NBPF14: variants seen among roughly 807,000 people sequenced by gnomAD.
The protein encoded by NBPF14 is NBPF member 14, also known as NBPF family member NBPF14.
A neutral mutation model predicts 91.2 loss-of-function variants in NBPF14; 104 were observed. The ratio of observed to expected loss-of-function variants is 1.14; its 90% CI spans 0.97 to 1.34. The LOEUF is 1.34. Ranked by LOEUF, NBPF14 falls within the 40% of genes most tolerant of loss-of-function variation. The pLI is 0.00. For missense variants in NBPF14, 908 were observed against 783.0 expected (o/e 1.16, Z -1.91); for synonymous variants, 294 against 303.8 (o/e 0.97, Z 0.34).
intron 39 of NBPF14, among the ~76,000 whole-genome samples, chr1:148,558,009 C>G (rs1186502776): frequency 3.6e-5 from 1 of 27,424 alleles, no homozygotes; most frequent in Non-Finnish European, 6.2e-5. Flanking sequence ...GTCCAATGTG[C>G]TGAGAGCGGG....
chr1:148,595,159 C>T (rs1402112758), intron 2 of NBPF14, among the ~76,000 whole-genome samples: 1 of 146,150 alleles, frequency 6.8e-6, no homozygotes, highest in African/African-American at 2.5e-5. Context: ...GAAACTTGAA[C>T]TGAATAAAAG....
At position 148,559,814 on chromosome 1, in the gene NBPF14, C is replaced by T. The variant is rs1376221284; in HGVS notation, c.4708G>A (p.Gly1570Ser). The change falls in exon 37 of 71, where the codon GGC becomes AGC. Residue 1570 changes from glycine to serine, a missense_variant. Around this residue, in one of 13 missense-constraint regions of NBPF14, gnomAD observed 447 missense variants for 189.1 expected, o/e 2.36. Transcript: ENST00000619423. ...TCACCATCCATGTCAACAGCCAAGC[C>T]AACACGCTGCTGCTCCAATATGTAA... The T allele has an allele frequency of 5.9e-6, 9 of 1,532,154 alleles. 3 individuals are homozygous for T. In the South Asian group the frequency reaches 9.7e-5, roughly 17 times the overall value. 94.9% of individuals were successfully genotyped at this position (1,532,154 alleles called of 1,614,324 possible).
At chr1:148,534,468 T>C (rs1388037011) in intron 69 of NBPF14, among the ~76,000 whole-genome samples, 7 of 151,666 alleles carry the variant, frequency 4.6e-5, no homozygotes, top group African/African-American at 7.3e-5. Flanking sequence ...GCGCCACAGG[T>C]ATGGCCTGAG....
chr1:148,592,626 T>C, exon 4 of NBPF14: 2 of 1,583,146 alleles, frequency 1.3e-6, no homozygotes, highest in East Asian at 4.5e-5. Flanking sequence ...GTCCTGCCCC[T>C]GGGACTTGTC....
intron 5 of NBPF14, 57 bp from the exon 6 acceptor site, chr1:148,591,025 C>T (rs1662371836): frequency 9.8e-7 from 1 of 1,023,836 alleles, no homozygotes; most frequent in Admixed American, 1.9e-5. Flanking sequence ...GGATTGGACC[C>T]CAGGGAGTCC....
chr1:148,585,369 T>C lies in NBPF14; in HGVS notation c.1307-156A>G, dbSNP rs1483327302. On this transcript the variant is annotated intron_variant, in intron 9 of 70. Transcript: ENST00000619423. ...TCTTTAACAGAATGCCCTGCCATGG[T>C]TTCCTGATCCATCAGGCAATGCATT... Among the ~76,000 whole-genome samples the C allele has an allele frequency of 3.6e-3, 543 of 152,040 alleles. 4 individuals are homozygous for C. The highest frequency in any genetic ancestry group is 4.0e-3 in the Non-Finnish European group (272 of 67,976).
intron 14 of NBPF14, among the ~76,000 whole-genome samples, 166 bp from the exon 15 acceptor site, chr1:148,577,521 G>A (rs1170170900): frequency 1.3e-5 from 2 of 148,500 alleles, no homozygotes; most frequent in Non-Finnish European, 3.0e-5. Flanking sequence ...CTATGGCCAG[G>A]TAGAAAAGGA....
chr1:148,566,147 C>A, exon 29 of NBPF14: 1 of 506,170 alleles, frequency 2.0e-6, no homozygotes, highest in Non-Finnish European at 3.4e-6. Flanking sequence ...ACTCACCTCC[C>A]ACGTCAAGAG....
rs1656899042 is a variant in NBPF14 at position 148,557,649 on chromosome 1, AACAGG to A, written c.4955-112_4955-108del. The A allele has an allele frequency of 2.8e-5, 17 of 606,810 alleles. 2 individuals carry two copies. The highest frequency in any genetic ancestry group is 4.3e-5 in the Non-Finnish European group (15 of 348,448). 37.6% of individuals were successfully genotyped at this position (606,810 alleles called of 1,614,324 possible). The stretch of plus-strand genomic sequence containing the variant: ...GGGATCTCAGGCTCCTCAGCATGAG[AACAGG>A]ACCATGTGAGAGATATACTTCAGGA... On this transcript the variant is annotated intron_variant, in intron 39 of 70. Coordinates refer to ENST00000619423, the Ensembl canonical transcript of NBPF14.
intron 9 of NBPF14, among the ~76,000 whole-genome samples, chr1:148,585,626 A>G (rs1661391488): frequency 6.7e-6 from 1 of 149,206 alleles, no homozygotes; most frequent in Non-Finnish European, 1.5e-5. Context: ...TATGCATCAG[A>G]AGATTTCAAG....
At chr1:148,566,518 CA>C (rs1658371897) in intron 28 of NBPF14, among the ~76,000 whole-genome samples, 2 of 122,960 alleles carry the variant, frequency 1.6e-5, no homozygotes, top group African/African-American at 5.5e-5. Context: ...GACACACACA[CA>C]CACACACACA....
chr1:148,533,593 GT>G (rs1654188046), intron 70 of NBPF14, among the ~76,000 whole-genome samples: 1 of 146,114 alleles, frequency 6.8e-6, no homozygotes, highest in African/African-American at 2.7e-5. Flanking sequence ...GAGCTCAATA[GT>G]TTTCCATAAA....
chr1:148,588,352 ATTATTT>A (rs1363175833), intron 7 of NBPF14, among the ~76,000 whole-genome samples: 7 of 138,190 alleles, frequency 5.1e-5, no homozygotes, highest in African/African-American at 1.8e-4. Context: ...TATTATTATT[ATTATTT>A]TTAACAGTCT....
intron 6 of NBPF14, among the ~76,000 whole-genome samples, chr1:148,590,040 C>CAT (rs1553337686): frequency 1.2e-4 from 9 of 76,332 alleles, no homozygotes; most frequent in African/African-American, 4.7e-4. Flanking sequence ...CAGAGACTTA[C>CAT]TTTTTTTTTT....
exon 4 of NBPF14, chr1:148,592,613 G>A: frequency 1.3e-6 from 2 of 1,571,602 alleles, no homozygotes; most frequent in Admixed American, 3.4e-5. Context: ...GCTGTTCTTG[G>A]AGGTCCTGCC....
At chr1:148,557,673 T>C (rs2149496619) in intron 39 of NBPF14, 131 bp from the exon 40 acceptor site, 3 of 615,136 alleles carry the variant, frequency 4.9e-6, no homozygotes, top group East Asian at 3.4e-5. Flanking sequence ...AGAGATATAC[T>C]TCAGGAGGCC....
In NBPF14 at chr1:148,557,699, A is replaced by G. The variant is rs1346179486; in HGVS notation, c.4955-157T>C. ...TCAGGAGGCCTGAAAGCTGGTCATG[A>G]TATTCCTTGCTTTGCATCTCAGAAC... is the stretch of plus-strand genomic sequence containing the variant. On this transcript the variant is annotated intron_variant, in intron 39 of 70. Coordinates refer to ENST00000619423, the Ensembl canonical transcript of NBPF14. Among the ~76,000 whole-genome samples, 4 of 130,264 alleles carry G rather than the reference A, an allele frequency of 3.1e-5. 1 individual carries two copies. The highest frequency in any genetic ancestry group is 7.6e-5 in the Admixed American group (1 of 13,192). The allele number at this position is 130,264 out of a possible 152,430, so 85.5% of individuals were successfully genotyped here.
chr1:148,592,606 G>A lies in NBPF14; in HGVS notation c.439C>T (p.Gln147Ter). 3 of 1,558,746 alleles carry A rather than the reference G, an allele frequency of 1.9e-6. 1 individual carries two copies. The highest frequency in any genetic ancestry group is 2.6e-6 in the Non-Finnish European group (3 of 1,136,520). ...GCCAGTCTACACCCCTCAGCCAGCT[G>A]TTCTTGGAGGTCCTGCCCCTGGGAC... The change falls in exon 4 of 71, where the codon CAG (glutamine) becomes TAG (stop). Residue 147 changes from glutamine (Q) to a stop codon, truncating the protein, a stop_gained. Transcript: ENST00000619423. LOFTEE classifies it high-confidence loss of function.
rs1452352921 is a variant in NBPF14 at position 148,557,689 on chromosome 1, G to C, written c.4955-147C>G. ...GAGATATACTTCAGGAGGCCTGAAA[G>C]CTGGTCATGATATTCCTTGCTTTGC... On this transcript the variant is annotated intron_variant, in intron 39 of 70. Coordinates refer to ENST00000619423, the Ensembl canonical transcript of NBPF14. 1.3e-5 allele frequency: 8 copies of C among 624,020 alleles called. 1 individual carries two copies. The highest frequency in any genetic ancestry group is 3.4e-5 in the East Asian group (1 of 29,620). 38.7% of individuals were successfully genotyped at this position (624,020 alleles called of 1,614,324 possible).
Sources: gnomAD v4.1 joint callset for allele counts (sites outside exome capture counted in the v4.1 genomes callset) on GRCh38, gnomAD v4.1.1 for gene constraint, gnomAD v4.1.1 regional missense constraint, MANE v1.5 for transcripts, NCBI Gene and HGNC (gene_info 2026-07-23, HGNC 2026-07-21) for gene names.